PCNX4: variants seen among roughly 807,000 people sequenced by gnomAD.
PCNX4 encodes the protein pecanex 4.
A neutral mutation model predicts 107.2 loss-of-function variants in PCNX4; 103 were observed. The ratio of observed to expected loss-of-function variants is 0.96; its 90% confidence interval spans 0.82 to 1.13. The LOEUF is 1.13. Ranked by LOEUF, PCNX4 falls within the 50% of genes most tolerant of loss-of-function variation. PCNX4 has a pLI of 0.00. For missense variants in PCNX4, 1,528 were observed against 1,379.4 expected (o/e 1.11, Z -1.71); for synonymous variants, 541 against 481.7 (o/e 1.12, Z -1.61).
At position 60,147,002 on chromosome 14, in the gene PCNX4, G is replaced by GT. The variant is rs1896422637; in HGVS notation, c.*12782dup. The GT allele has an allele frequency of 6.6e-6, 1 of 152,296 alleles. No individual in the cohort carries two copies. The highest frequency in any genetic ancestry group is 1.5e-5 in the Non-Finnish European group (1 of 68,142). 9.4% of individuals were successfully genotyped at this position (152,296 alleles called of 1,614,324 possible). A position where few individuals can be genotyped will look rare whatever the true frequency, so the allele number is the denominator to read the frequency against. On this transcript the variant is annotated 3_prime_UTR_variant, in exon 11 of 11. Coordinates refer to ENST00000406854, the MANE Select transcript of PCNX4 (RefSeq NM_001330177.2). Reference sequence around the variant, plus strand: ...GATCCCAACACTTTGGGAGGCCAAGGTAGGTGGATCGCCTGAGCCCAGGAG... The same window carrying GT: ...GATCCCAACACTTTGGGAGGCCAAGGTTAGGTGGATCGCCTGAGCCCAGGAG...
intron 1 of PCNX4, among the ~76,000 whole-genome samples, chr14:60,095,716 A>G (rs1301946947): frequency 6.6e-6 from 1 of 151,502 alleles, no homozygotes; most frequent in Non-Finnish European, 1.5e-5. Flanking sequence ...TATTGCTAGG[A>G]TGGTTTATTC....
At chr14:60,092,749 C>T (rs1432184693) in intron 1 of PCNX4, among the ~76,000 whole-genome samples, 1 of 152,310 alleles carries the variant, frequency 6.6e-6, no homozygotes, top group East Asian at 1.9e-4. Context: ...CGCAATATCT[C>T]CAACTAAACC....
Position 60,134,295 on chromosome 14 carries a change from T to C in PCNX4, c.*74T>C. On this transcript the variant is annotated 3_prime_UTR_variant, in exon 11 of 11. Coordinates refer to ENST00000406854, the MANE Select transcript of PCNX4 (RefSeq NM_001330177.2). ...ATCCTAAAAAAGTAACTGTGATTCT[T>C]GTAACTTGAGGACTTCTCCACACCC... The C allele has an allele frequency of 1.3e-6, 2 of 1,544,832 alleles. No individual in the cohort carries two copies. Among genetic ancestry groups the C allele is most frequent in the Non-Finnish European group, 1.8e-6 (2 of 1,135,616 alleles).
chr14:60,104,551 C>T (rs1895595298), intron 1 of PCNX4, among the ~76,000 whole-genome samples: 1 of 151,948 alleles, frequency 6.6e-6, no homozygotes, highest in East Asian at 1.9e-4. Context: ...AAAGACATAC[C>T]CAAGACTGGG....
At chr14:60,117,198 A>G (rs1480572744) in intron 6 of PCNX4, among the ~76,000 whole-genome samples, 1 of 152,226 alleles carries the variant, frequency 6.6e-6, no homozygotes, top group African/African-American at 2.4e-5. Flanking sequence ...AGGACTTCAC[A>G]TTCATTCACC....
At chr14:60,117,465 T>C (rs184516642) in intron 6 of PCNX4, among the ~76,000 whole-genome samples, 12 of 152,228 alleles carry the variant, frequency 7.9e-5, no homozygotes, top group Admixed American at 7.8e-4. Context: ...ACCACCTAGG[T>C]TTGTGTATGT....
rs1896043889 is a variant in PCNX4, at chr14:60,125,770, G to A, written c.3214G>A (p.Ala1072Thr). 1.9e-6 allele frequency: 3 copies of A among 1,610,944 alleles called. No homozygotes were observed. The highest frequency in any genetic ancestry group is 2.5e-6 in the Non-Finnish European group (3 of 1,178,666). Residue 1072 changes from alanine (A) to threonine (T), a missense_variant, in exon 10 of 11, where the codon GCA becomes ACA. Transcript: ENST00000406854. ...GGTATCTGATGAAAAGTGGAAGGAAGCAATTTTACAAGAAAAGCCATACTT... is the reference window on the plus strand; with the variant it reads ...GGTATCTGATGAAAAGTGGAAGGAAACAATTTTACAAGAAAAGCCATACTT... ...GLVSDEKWKE[A>T]ILQEKPYLFS...
chr14:60,114,677 A>C (rs1895805599), intron 2 of PCNX4, 23 bp from the exon 3 acceptor site: 1 of 1,584,518 alleles, frequency 6.3e-7, no homozygotes, highest in Non-Finnish European at 8.6e-7. Context: ...CGTGTGATTT[A>C]AATGTTCTTT....
intron 8 of PCNX4, among the ~76,000 whole-genome samples, chr14:60,123,356 A>G (rs1360002424): frequency 6.6e-6 from 1 of 152,102 alleles, no homozygotes; most frequent in Non-Finnish European, 1.5e-5. Flanking sequence ...ACAACCATAT[A>G]CACTAGGATT....
intron 1 of PCNX4, among the ~76,000 whole-genome samples, chr14:60,093,932 C>T (rs1895366583): frequency 6.6e-6 from 1 of 152,150 alleles, no homozygotes; most frequent in African/African-American, 2.4e-5. Flanking sequence ...TTGTGTTTTT[C>T]TAATGAGTAA....
Position 60,135,216 on chromosome 14 carries a change from A to C in PCNX4, c.*995A>C, listed in dbSNP as rs780515459. The C allele has an allele frequency of 5.3e-5, 8 of 152,228 alleles. No individual in the cohort carries two copies. Among genetic ancestry groups the C allele is most frequent in the Non-Finnish European group, 1.2e-4 (8 of 68,030 alleles). 9.4% of individuals were successfully genotyped at this position (152,228 alleles called of 1,614,324 possible). On this transcript the variant is annotated 3_prime_UTR_variant, in exon 11 of 11. Coordinates refer to ENST00000406854, the MANE Select transcript of PCNX4 (RefSeq NM_001330177.2). Reference sequence around the variant, plus strand: ...GTAGGAGCCCCCTAGATTTATAATAATGTATTCTCCTTAGAAATCATTCAA... The same window carrying C: ...GTAGGAGCCCCCTAGATTTATAATACTGTATTCTCCTTAGAAATCATTCAA...
intron 1 of PCNX4, among the ~76,000 whole-genome samples, chr14:60,094,697 C>T (rs1335601793): frequency 6.6e-6 from 1 of 151,850 alleles, no homozygotes; most frequent in Admixed American, 6.6e-5. Flanking sequence ...CGGCAGTGGG[C>T]TCTGGCATTA....
Position 60,125,840 on chromosome 14 carries a change from T to G in PCNX4, c.3267+17T>G. The G allele has an allele frequency of 3.8e-6, 6 of 1,560,748 alleles. No individual in the cohort carries two copies. The highest frequency in any genetic ancestry group is 5.2e-6 in the Non-Finnish European group (6 of 1,150,476). On this transcript the variant is annotated intron_variant, in intron 10 of 10. Coordinates refer to ENST00000406854, the MANE Select transcript of PCNX4 (RefSeq NM_001330177.2). ...TCTAATATGGTAAGGTTAAAAAATTTTTAAACTTACATATACTAACCTTAA... is the reference window on the plus strand; with the variant it reads ...TCTAATATGGTAAGGTTAAAAAATTGTTAAACTTACATATACTAACCTTAA...
chr14:60,121,118 G>A, intron 7 of PCNX4, 78 bp from the exon 8 acceptor site: 3 of 1,484,300 alleles, frequency 2.0e-6, no homozygotes, highest in Non-Finnish European at 2.7e-6. Flanking sequence ...TTTTAGTTTT[G>A]AAGATTCACA....
At position 60,134,068 on chromosome 14, in the gene PCNX4, A is replaced by G. The variant is rs1308671028; in HGVS notation, c.3366A>G (p.Ser1122=). The G allele has an allele frequency of 3.1e-6, 5 of 1,613,756 alleles. No homozygotes were observed. The highest frequency in any genetic ancestry group is 1.1e-5 in the South Asian group (1 of 91,078). ...TTAGAGGTCAGTGGGCCAATCTTTC[A>G]TGGGAATTACTTTATGCCACAAACG... The part of the protein sequence containing the change: ...EAVRGQWANL[S]WELLYATNDD... The change falls in exon 11 of 11, where the codon TCA becomes TCG. Residue 1122 remains serine, a synonymous_variant. Coordinates refer to ENST00000406854, the MANE Select transcript of PCNX4 (RefSeq NM_001330177.2).
intron 2 of PCNX4, chr14:60,109,450 TTTTG>T (rs1796476061): frequency 6.0e-6 from 1 of 167,154 alleles, no homozygotes; most frequent in African/African-American, 2.4e-5. Flanking sequence ...CTTTGTTTTG[TTTTG>T]TTTGAGATGG....
At chr14:60,129,655 A>G (rs920381553) in intron 10 of PCNX4, among the ~76,000 whole-genome samples, 4 of 152,224 alleles carry the variant, frequency 2.6e-5, no homozygotes, top group Non-Finnish European at 5.9e-5. Flanking sequence ...AATTATAACT[A>G]TGTACTGTTG....
At position 60,091,958 on chromosome 14, in the gene PCNX4, T is replaced by C. The variant is rs577160530; in HGVS notation, c.-515T>C. ...CCGGCCCAAGGGAACGTTCAGGGCG[T>C]CTCGGCTTTCCCCGCTGCTGCTTCT... On this transcript the variant is annotated 5_prime_UTR_variant, in exon 1 of 11. Coordinates refer to ENST00000406854, the MANE Select transcript of PCNX4 (RefSeq NM_001330177.2). 16 of 152,428 alleles carry C rather than the reference T, an allele frequency of 1.0e-4. No individual in the cohort carries two copies. The highest frequency in any genetic ancestry group is 1.6e-4 in the Non-Finnish European group (11 of 68,188). The allele number at this position is 152,428 out of a possible 1,614,324, so 9.4% of individuals were successfully genotyped here. A position where few individuals can be genotyped will look rare whatever the true frequency, so the allele number is the denominator to read the frequency against.
intron 10 of PCNX4, among the ~76,000 whole-genome samples, chr14:60,128,499 G>A (rs1896096594): frequency 3.3e-5 from 5 of 152,140 alleles, no homozygotes; most frequent in Admixed American, 3.3e-4. Context: ...ATCTAGCAAA[G>A]TGATCTTTCA....
Sources: allele counts gnomAD v4.1 joint callset (sites outside exome capture counted in the v4.1 genomes callset), GRCh38; gene constraint gnomAD v4.1.1; transcripts MANE v1.5; gene names NCBI Gene and HGNC (gene_info 2026-07-23, HGNC 2026-07-21).